SRBD1: variants seen among roughly 807,000 people sequenced by gnomAD.
The protein encoded by SRBD1 is S1 RNA binding domain 1.
A neutral mutation model predicts 115.3 loss-of-function variants in SRBD1; 88 were observed. That is an observed-to-expected ratio of 0.76 (90% CI 0.64 to 0.91). The LOEUF (loss-of-function observed/expected upper bound fraction) is 0.91, where lower values mean the gene tolerates loss of function less well. SRBD1 is among the 40% of genes least tolerant of loss of function. The pLI is 0.00. For missense variants in SRBD1, 1,385 were observed against 1,177.4 expected (o/e 1.18, Z -2.58); for synonymous variants, 509 against 407.7 (o/e 1.25, Z -2.99).
intron 14 of SRBD1, among the ~76,000 whole-genome samples, chr2:45,488,812 T>C (rs1038038125): frequency 1.8e-4 from 28 of 151,752 alleles, no homozygotes; most frequent in African/African-American, 6.1e-4. Context: ...ACCACCATCA[T>C]AAGCACTGTT....
intron 16 of SRBD1, among the ~76,000 whole-genome samples, chr2:45,451,553 T>A (rs906733624): frequency 1.3e-5 from 2 of 151,878 alleles, no homozygotes; most frequent in African/African-American, 2.4e-5. Flanking sequence ...TTTGAGAAAA[T>A]ACTCTGCAGA....
chr2:45,423,528 C>T (rs78154882), intron 16 of SRBD1, among the ~76,000 whole-genome samples: 3,551 of 152,062 alleles, frequency 0.023, 64 homozygotes, highest in Non-Finnish European at 0.035. Context: ...AAAATCTGAA[C>T]AAACCTATAA....
At chr2:45,595,974 C>G (rs1321579223) in intron 4 of SRBD1, among the ~76,000 whole-genome samples, 3 of 151,908 alleles carry the variant, frequency 2.0e-5, no homozygotes, top group Admixed American at 6.6e-5. Context: ...AGGCATTCAG[C>G]TGTCAACATT....
rs913740581 is a variant in SRBD1, at chr2:45,413,437, C to T, written c.2334-144G>A. 7 of 931,242 alleles carry T rather than the reference C, an allele frequency of 7.5e-6. No homozygotes were observed. In the Admixed American group the frequency reaches 2.1e-4, roughly 28 times the overall value. The allele number at this position is 931,242 out of a possible 1,614,324, so 57.7% of individuals were successfully genotyped here. A position where few individuals can be genotyped will look rare whatever the true frequency, so the allele number is the denominator to read the frequency against. ...TTGACCTTTTACTTCATAGAAACTACCACTTATTTGTTTAAATCACTGGGA... is the reference window on the plus strand; with the variant it reads ...TTGACCTTTTACTTCATAGAAACTATCACTTATTTGTTTAAATCACTGGGA... On this transcript the variant is annotated intron_variant, in intron 18 of 20. Transcript: ENST00000263736.
At chr2:45,577,012 T>TA (rs1232668201) in intron 7 of SRBD1, among the ~76,000 whole-genome samples, 1 of 152,210 alleles carries the variant, frequency 6.6e-6, no homozygotes, top group Non-Finnish European at 1.5e-5. Context: ...TCATACCAGG[T>TA]ACTTGTTAAA....
chr2:45,513,783 A>C (rs1434829605), intron 14 of SRBD1, among the ~76,000 whole-genome samples: 1 of 141,112 alleles, frequency 7.1e-6, no homozygotes, highest in Non-Finnish European at 1.5e-5. Flanking sequence ...CTTGTTCAAA[A>C]CAGTTTTTTT....
chr2:45,519,764 A>C (rs1671225457), intron 14 of SRBD1, among the ~76,000 whole-genome samples: 1 of 152,182 alleles, frequency 6.6e-6, no homozygotes, highest in South Asian at 2.1e-4. Flanking sequence ...GTTGACTTTC[A>C]GAGAAGGTGG....
chr2:45,527,039 A>G (rs912958752), intron 14 of SRBD1, among the ~76,000 whole-genome samples: 1 of 151,842 alleles, frequency 6.6e-6, no homozygotes, highest in East Asian at 1.9e-4. Context: ...GTTTTTAGAA[A>G]TGTTTTTTAA....
At chr2:45,470,713 G>A (rs1385658139) in intron 16 of SRBD1, among the ~76,000 whole-genome samples, 1 of 152,124 alleles carries the variant, frequency 6.6e-6, no homozygotes, top group Non-Finnish European at 1.5e-5. Flanking sequence ...GCATCATCCT[G>A]CTCTCACTCT....
chr2:45,527,564 C>T (rs1051287746), intron 14 of SRBD1, among the ~76,000 whole-genome samples: 10 of 140,356 alleles, frequency 7.1e-5, no homozygotes, highest in Non-Finnish European at 1.6e-5. Flanking sequence ...ATTATTATTA[C>T]ACATTTTGAA....
At chr2:45,421,510 C>CAAAA (rs869298079) in intron 16 of SRBD1, among the ~76,000 whole-genome samples, 319 of 22,304 alleles carry the variant, frequency 0.014, 2 homozygotes, top group Non-Finnish European at 0.019. Flanking sequence ...CCGTCTCAAA[C>CAAAA]AAAAAAAAAA....
At chr2:45,445,486 G>A (rs1668792898) in intron 16 of SRBD1, among the ~76,000 whole-genome samples, 1 of 142,788 alleles carries the variant, frequency 7.0e-6, no homozygotes, top group Non-Finnish European at 1.5e-5. Context: ...ATAGGTTAGG[G>A]GTCACAATGA....
chr2:45,587,166 T>C (rs1466491289), intron 4 of SRBD1, among the ~76,000 whole-genome samples: 2 of 145,042 alleles, frequency 1.4e-5, no homozygotes, highest in Non-Finnish European at 3.0e-5. Flanking sequence ...TTTTAAATTA[T>C]AAATATTAAA....
intron 14 of SRBD1, among the ~76,000 whole-genome samples, chr2:45,537,951 G>A (rs1178537081): frequency 6.6e-6 from 1 of 152,230 alleles, no homozygotes; most frequent in African/African-American, 2.4e-5. Context: ...AAGGGAGACA[G>A]CTGTGCTAAG....
intron 14 of SRBD1, among the ~76,000 whole-genome samples, chr2:45,525,242 C>G (rs1671406157): frequency 6.6e-6 from 1 of 151,962 alleles, no homozygotes; most frequent in Admixed American, 6.6e-5. Context: ...GCAAAGTGTT[C>G]TTACATATGG....
chr2:45,410,103 C>A (rs981701799), intron 19 of SRBD1, among the ~76,000 whole-genome samples: 7 of 152,006 alleles, frequency 4.6e-5, no homozygotes, highest in Admixed American at 2.0e-4. Context: ...ATAATATGAA[C>A]AAATATTTCA....
chr2:45,523,299 T>G (rs1218998245), intron 14 of SRBD1, among the ~76,000 whole-genome samples: 1 of 106,834 alleles, frequency 9.4e-6, no homozygotes, highest in African/African-American at 3.6e-5. Context: ...AAAAGCAAAC[T>G]AAACCTAAAG....
At chr2:45,600,515 G>C (rs146638945) in intron 3 of SRBD1, among the ~76,000 whole-genome samples, 148 of 152,254 alleles carry the variant, frequency 9.7e-4, no homozygotes, top group South Asian at 6.0e-3. Context: ...CAACTCAACA[G>C]GCTACACATG....
intron 14 of SRBD1, among the ~76,000 whole-genome samples, chr2:45,509,538 G>A (rs906999775): frequency 1.3e-5 from 2 of 149,588 alleles, no homozygotes; most frequent in African/African-American, 2.5e-5. Context: ...GGAGCTGGCA[G>A]TGAGCAGAGA....
Sources: allele counts gnomAD v4.1 joint callset (sites outside exome capture counted in the v4.1 genomes callset), GRCh38; gene constraint gnomAD v4.1.1; transcripts MANE v1.5; gene names NCBI Gene and HGNC (gene_info 2026-07-23, HGNC 2026-07-21).